Variants in L3MBTL4 observed in about 807,000 individuals in gnomAD.
L3MBTL4 encodes the protein L3MBTL histone methyl-lysine binding protein 4.
In L3MBTL4, 70 loss-of-function variants were observed where a neutral mutation model predicts 84.5. The ratio of observed to expected loss-of-function variants is 0.83; its 90% confidence interval spans 0.68 to 1.01. The LOEUF is 1.01. Among genes scored for constraint, L3MBTL4 ranks in the 50% least tolerant of loss-of-function variants. L3MBTL4 has a pLI of 0.00. For missense variants in L3MBTL4, 715 were observed against 754.8 expected (o/e 0.95, Z 0.62); for synonymous variants, 274 against 259.8 (o/e 1.05, Z -0.52).
At chr18:6,252,049 C>A (rs2097665002) in intron 5 of L3MBTL4, among the ~76,000 whole-genome samples, 1 of 152,218 alleles carries the variant, frequency 6.6e-6, no homozygotes, top group Non-Finnish European at 1.5e-5. Context: ...CGGTGGCTCA[C>A]GCCTGCAATC....
At chr18:6,165,767 A>G (rs1238671414) in intron 13 of L3MBTL4, among the ~76,000 whole-genome samples, 1 of 152,230 alleles carries the variant, frequency 6.6e-6, no homozygotes, top group Non-Finnish European at 1.5e-5. Context: ...AAGAAACTGC[A>G]TCAACTAATG....
chr18:6,255,730 A>G lies in L3MBTL4; in HGVS notation c.219+8217T>C, dbSNP rs538343689. Among the ~76,000 whole-genome samples the G allele has an allele frequency of 2.0e-5, 3 of 151,926 alleles. No individual in the cohort carries two copies. The South Asian group carries it at 6.2e-4, about 32-fold the overall frequency. The stretch of plus-strand genomic sequence containing the variant: ...TTTCCCCCTGGGAGTACTGTTAAAT[A>G]CCAGTGAAGTTACCTTAAAACTGAA... On this transcript the variant is annotated intron_variant, in intron 5 of 18. Coordinates refer to ENST00000317931, the MANE Select transcript of L3MBTL4 (RefSeq NM_001330559.2).
At chr18:6,160,603 G>T (rs1343458682) in intron 13 of L3MBTL4, among the ~76,000 whole-genome samples, 1 of 151,862 alleles carries the variant, frequency 6.6e-6, no homozygotes, top group East Asian at 1.9e-4. Context: ...TTGGTGGCGG[G>T]GTCTGTAATC....
At chr18:6,400,574 T>C (rs568802684) in intron 1 of L3MBTL4, among the ~76,000 whole-genome samples, 2 of 152,288 alleles carry the variant, frequency 1.3e-5, no homozygotes, top group South Asian at 4.1e-4. Context: ...CATGCCTGGT[T>C]AATTTTTTCG....
At chr18:6,236,548 G>C (rs538451986) in intron 10 of L3MBTL4, among the ~76,000 whole-genome samples, 1 of 152,262 alleles carries the variant, frequency 6.6e-6, no homozygotes, top group African/African-American at 2.4e-5. Flanking sequence ...TTCACCAGAT[G>C]AAAATGGGAA....
chr18:6,161,722 C>T (rs1468085310), intron 13 of L3MBTL4, among the ~76,000 whole-genome samples: 1 of 152,140 alleles, frequency 6.6e-6, no homozygotes, highest in Non-Finnish European at 1.5e-5. Context: ...TCATCTGAGC[C>T]CGGCTCAACA....
chr18:6,329,424 A>G (rs2051908547), intron 1 of L3MBTL4, among the ~76,000 whole-genome samples: 1 of 152,008 alleles, frequency 6.6e-6, no homozygotes, highest in South Asian at 2.1e-4. Flanking sequence ...AAGTGCTCGG[A>G]TTACAGGCCT....
chr18:5,961,206 C>T (rs1033370075), intron 17 of L3MBTL4, among the ~76,000 whole-genome samples: 13 of 152,196 alleles, frequency 8.5e-5, no homozygotes, highest in Non-Finnish European at 1.3e-4. Flanking sequence ...GGCTGGAGAG[C>T]GCAGTTATCA....
intron 3 of L3MBTL4, among the ~76,000 whole-genome samples, chr18:6,303,516 A>G (rs2050435402): frequency 6.6e-6 from 1 of 152,226 alleles, no homozygotes; most frequent in Admixed American, 6.5e-5. Flanking sequence ...TTTTGCTGAA[A>G]AATGAGTGTT....
intron 4 of L3MBTL4, among the ~76,000 whole-genome samples, chr18:6,282,290 T>G (rs567773088): frequency 1.3e-5 from 2 of 152,246 alleles, no homozygotes; most frequent in African/African-American, 4.8e-5. Context: ...TTGCAAACCA[T>G]ACTAAGTAAG....
At chr18:6,305,994 C>A (rs1013874600) in intron 3 of L3MBTL4, among the ~76,000 whole-genome samples, 1 of 152,172 alleles carries the variant, frequency 6.6e-6, no homozygotes, top group Non-Finnish European at 1.5e-5. Context: ...ACCAAAGACT[C>A]CTGAACACTC....
intron 16 of L3MBTL4, among the ~76,000 whole-genome samples, chr18:5,973,562 T>A (rs369019097): frequency 1.3e-5 from 2 of 152,372 alleles, no homozygotes. Context: ...CCAGCACGAT[T>A]TATGTCACAT....
chr18:6,270,078 T>A (rs1214495290), intron 4 of L3MBTL4, among the ~76,000 whole-genome samples: 1 of 152,210 alleles, frequency 6.6e-6, no homozygotes, highest in Admixed American at 6.5e-5. Context: ...CCTTAGAATA[T>A]GTGAGAAACA....
intron 13 of L3MBTL4, among the ~76,000 whole-genome samples, chr18:6,150,667 C>G (rs1461668829): frequency 6.6e-6 from 1 of 152,106 alleles, no homozygotes; most frequent in Non-Finnish European, 1.5e-5. Flanking sequence ...CCTCCAACTC[C>G]CCTGTACTAG....
chr18:6,329,832 G>A (rs1027587480), intron 1 of L3MBTL4, among the ~76,000 whole-genome samples: 2 of 152,166 alleles, frequency 1.3e-5, no homozygotes, highest in African/African-American at 4.8e-5. Flanking sequence ...CCTTTTAAAT[G>A]CTGAGCACCT....
In L3MBTL4 at chr18:6,070,571, C is replaced by T. The variant is rs555589480; in HGVS notation, c.1444+10310G>A. Among the ~76,000 whole-genome samples, 71 of 148,678 alleles carry T rather than the reference C, an allele frequency of 4.8e-4. 1 individual carries two copies. The East Asian group carries it at 0.011, about 23-fold the overall frequency. On this transcript the variant is annotated intron_variant, in intron 16 of 18. Coordinates refer to ENST00000317931, the MANE Select transcript of L3MBTL4 (RefSeq NM_001330559.2). ...AGTGGCTCATGTGTGTAATCCCACA[C>T]TTTGGGAGGTCAAAGTGGGCAGATT...
At chr18:6,092,094 A>T (rs1302870789) in intron 15 of L3MBTL4, among the ~76,000 whole-genome samples, 1 of 152,234 alleles carries the variant, frequency 6.6e-6, no homozygotes, top group Non-Finnish European at 1.5e-5. Flanking sequence ...TGCAAGATAC[A>T]GCTATAAAAA....
At chr18:6,032,329 C>T (rs1264828607) in intron 16 of L3MBTL4, 3 of 980,862 alleles carry the variant, frequency 3.1e-6, no homozygotes, top group Non-Finnish European at 3.6e-6. Flanking sequence ...TGCAAAAAAG[C>T]TTATGATGTG....
chr18:6,246,269 A>C (rs1199440856), intron 5 of L3MBTL4, among the ~76,000 whole-genome samples: 2 of 152,178 alleles, frequency 1.3e-5, no homozygotes, highest in African/African-American at 4.8e-5. Context: ...TATCTGTCAA[A>C]AGTGTTTTTC....
Sources: gnomAD v4.1 joint callset for allele counts (sites outside exome capture counted in the v4.1 genomes callset) on GRCh38, gnomAD v4.1.1 for gene constraint, MANE v1.5 for transcripts, NCBI Gene and HGNC (gene_info 2026-07-23, HGNC 2026-07-21) for gene names.